TAX1BP1: variants seen among roughly 807,000 people sequenced by gnomAD.
TAX1BP1 encodes the protein tax1-binding protein 1.
Under a neutral mutation model 97.7 loss-of-function variants are expected in TAX1BP1, and 62 were observed. The ratio of observed to expected loss-of-function variants is 0.63; its 90% CI spans 0.52 to 0.78. The LOEUF (loss-of-function observed/expected upper bound fraction) is 0.78. Among genes scored for constraint, TAX1BP1 ranks in the 30% least tolerant of loss-of-function variants. The probability of loss-of-function intolerance (pLI) is 0.00; values close to 1 mark genes in which losing one functional copy is unlikely to be tolerated. For synonymous variants in TAX1BP1, 340 were observed against 304.2 expected (o/e 1.12, Z -1.23); for missense variants, 867 against 916.1 (o/e 0.95, Z 0.69).
chr7:27,747,785 G>A (rs2128307074), intron 1 of TAX1BP1, among the ~76,000 whole-genome samples: 1 of 147,080 alleles, frequency 6.8e-6, no homozygotes, highest in East Asian at 2.0e-4. Flanking sequence ...GTAGGGGCAG[G>A]GCTATGTATA....
intron 15 of TAX1BP1, among the ~76,000 whole-genome samples, chr7:27,821,218 A>G (rs1790960666): frequency 6.6e-6 from 1 of 152,182 alleles, no homozygotes; most frequent in East Asian, 1.9e-4. Context: ...TTTCTATACC[A>G]TATTAGTATA....
intron 2 of TAX1BP1, among the ~76,000 whole-genome samples, chr7:27,751,931 G>A (rs1273554490): frequency 6.6e-6 from 1 of 152,158 alleles, no homozygotes; most frequent in Non-Finnish European, 1.5e-5. Flanking sequence ...GGGATTGCAG[G>A]CGTGAACCAC....
chr7:27,773,774 G>A (rs368273583), intron 5 of TAX1BP1, among the ~76,000 whole-genome samples: 2 of 152,084 alleles, frequency 1.3e-5, no homozygotes, highest in East Asian at 3.9e-4. Flanking sequence ...TGCTAGATAC[G>A]TATTGGAAAT....
intron 15 of TAX1BP1, among the ~76,000 whole-genome samples, chr7:27,820,811 C>T (rs1266956160): frequency 1.3e-5 from 2 of 152,156 alleles, no homozygotes; most frequent in South Asian, 2.1e-4. Context: ...TTAGATATGA[C>T]ACCAACAGCA....
At chr7:27,808,017 T>C (rs960894955) in intron 13 of TAX1BP1, among the ~76,000 whole-genome samples, 1 of 152,202 alleles carries the variant, frequency 6.6e-6, no homozygotes, top group Non-Finnish European at 1.5e-5. Flanking sequence ...CTTATTACTT[T>C]CTGGTGCAGA....
intron 13 of TAX1BP1, among the ~76,000 whole-genome samples, chr7:27,806,795 G>A (rs935782880): frequency 6.6e-6 from 1 of 152,092 alleles, no homozygotes; most frequent in African/African-American, 2.4e-5. Flanking sequence ...AGAAATGATT[G>A]TTGGTGTTTT....
rs758150354 is a variant in TAX1BP1 at position 27,829,704 on chromosome 7, G to A, written c.*875G>A. The A allele has an allele frequency of 6.6e-5, 10 of 152,158 alleles. No homozygotes were observed. The highest frequency in any genetic ancestry group is 1.3e-4 in the Non-Finnish European group (9 of 68,012). 9.4% of individuals were successfully genotyped at this position (152,158 alleles called of 1,614,324 possible). A position where few individuals can be genotyped will look rare whatever the true frequency, so the allele number is the denominator to read the frequency against. ...CAAAGTAATGTGTTTCTTCAGTTAT[G>A]TCTGTGCTGTATAGAACTGTCACTA... On this transcript the variant is annotated 3_prime_UTR_variant, in exon 17 of 17. Coordinates refer to ENST00000396319, the MANE Select transcript of TAX1BP1 (RefSeq NM_006024.7).
chr7:27,790,980 T>C (rs1357916638), intron 8 of TAX1BP1, among the ~76,000 whole-genome samples: 3 of 152,202 alleles, frequency 2.0e-5, no homozygotes, highest in African/African-American at 7.2e-5. Flanking sequence ...AAATTTTGTA[T>C]GTTCATGACT....
intron 3 of TAX1BP1, among the ~76,000 whole-genome samples, chr7:27,758,884 G>A (rs1228105287): frequency 6.6e-6 from 1 of 152,044 alleles, no homozygotes; most frequent in Non-Finnish European, 1.5e-5. Flanking sequence ...TGGAGATAAT[G>A]GTGGTGGTGG....
chr7:27,773,827 A>G (rs1056400872), intron 5 of TAX1BP1, among the ~76,000 whole-genome samples: 1 of 152,018 alleles, frequency 6.6e-6, no homozygotes, highest in Non-Finnish European at 1.5e-5. Flanking sequence ...GTGATTTTGA[A>G]TCTTGTTTTT....
chr7:27,747,828 C>G (rs1787881352), intron 1 of TAX1BP1, among the ~76,000 whole-genome samples: 1 of 151,912 alleles, frequency 6.6e-6, no homozygotes, highest in South Asian at 2.1e-4. Flanking sequence ...CACATGCACA[C>G]ACTCCCAGGC....
chr7:27,796,223 A>AG lies in TAX1BP1; in HGVS notation c.1638+5dup. The AG allele has an allele frequency of 6.4e-7, 1 of 1,557,802 alleles. No individual in the cohort carries two copies. Among genetic ancestry groups the AG allele is most frequent in the East Asian group, 2.3e-5 (1 of 43,578 alleles). On this transcript the variant is annotated splice_donor_region_variant and intron_variant, in intron 12 of 16. Coordinates refer to ENST00000396319, the MANE Select transcript of TAX1BP1 (RefSeq NM_006024.7). ...TAAATGTAAACAACTCTTGCAGGTA[A>AG]GTTAACTACCTTGTAAGTGAAAGAG... is the stretch of plus-strand genomic sequence containing the variant.
intron 10 of TAX1BP1, 102 bp from the exon 11 acceptor site, chr7:27,794,221 T>A: frequency 9.5e-7 from 1 of 1,056,280 alleles, no homozygotes; most frequent in Non-Finnish European, 1.3e-6. Context: ...TTCTTAGGAT[T>A]TCCTAAAGTA....
intron 5 of TAX1BP1, among the ~76,000 whole-genome samples, chr7:27,777,751 T>A (rs1373697150): frequency 1.3e-5 from 2 of 152,194 alleles, no homozygotes; most frequent in African/African-American, 2.4e-5. Flanking sequence ...TGCCTGAGTT[T>A]GCCTCTTTGC....
chr7:27,752,329 A>G (rs889176942), intron 2 of TAX1BP1, among the ~76,000 whole-genome samples: 3 of 152,194 alleles, frequency 2.0e-5, no homozygotes, highest in African/African-American at 7.2e-5. Flanking sequence ...TTGAGTATAG[A>G]TAATTGGTCT....
intron 5 of TAX1BP1, among the ~76,000 whole-genome samples, chr7:27,776,450 G>T (rs1789036102): frequency 6.6e-6 from 1 of 151,992 alleles, no homozygotes; most frequent in Admixed American, 6.6e-5. Context: ...TTTTGTATTT[G>T]AGTATTTTAG....
At chr7:27,784,306 G>A (rs1012866465) in intron 5 of TAX1BP1, among the ~76,000 whole-genome samples, 4 of 152,136 alleles carry the variant, frequency 2.6e-5, no homozygotes, top group Non-Finnish European at 4.4e-5. Context: ...CTATAACAAA[G>A]CACTTCCCTA....
rs558313260 is a variant in TAX1BP1, at chr7:27,819,493, A to G, written c.2085+2455A>G. Among the ~76,000 whole-genome samples the G allele has an allele frequency of 2.6e-5, 4 of 152,306 alleles. No homozygotes were observed. The South Asian group carries it at 8.3e-4, about 32-fold the overall frequency. On this transcript the variant is annotated intron_variant, in intron 15 of 16. Transcript: ENST00000396319. ...CTGCCAAAACCAGCATCTCGAAGAT[A>G]AGATGGCATTGAAAGGAATGTGTAG...
intron 5 of TAX1BP1, among the ~76,000 whole-genome samples, chr7:27,783,150 G>A (rs772870669): frequency 4.1e-4 from 63 of 152,072 alleles, no homozygotes; most frequent in African/African-American, 1.4e-3. Flanking sequence ...TTTTCATATC[G>A]GCATACAATG....
Sources: gnomAD v4.1 joint callset for allele counts (sites outside exome capture counted in the v4.1 genomes callset) on GRCh38, gnomAD v4.1.1 for gene constraint, MANE v1.5 for transcripts, NCBI Gene and HGNC (gene_info 2026-07-23, HGNC 2026-07-21) for gene names.